Variants in TMIGD1 observed in about 807,000 individuals in gnomAD.
The protein encoded by TMIGD1 is transmembrane and immunoglobulin domain-containing protein 1.
A neutral mutation model predicts 27.5 loss-of-function variants in TMIGD1; 29 were observed. The observed-to-expected ratio is 1.05, with a 90% CI of 0.78 to 1.44. The LOEUF (loss-of-function observed/expected upper bound fraction) is 1.44. Ranked by LOEUF, TMIGD1 falls within the 40% of genes most tolerant of loss-of-function variation. The pLI is 0.00. For missense variants in TMIGD1, 334 were observed against 310.6 expected, an observed-to-expected ratio of 1.08 and a Z score of -0.57; for synonymous variants, 109 against 110.3, an observed-to-expected ratio of 0.99 and a Z score of 0.07.
chr17:30,324,861 A>T lies in TMIGD1; in HGVS notation c.595T>A (p.Ser199Thr), dbSNP rs765822528. Residue 199 changes from serine to threonine, a missense_variant, in exon 4 of 7, where the codon TCA becomes ACA. Transcript: ENST00000328886. ...DNGTYSCIAKSSLKTESLDFH... is the reference protein window; with the variant it reads ...DNGTYSCIAKTSLKTESLDFH... ...TCCAAGCTCTCCGTTTTCAGAGATG[A>T]CTTTGCAATACAACTGTAGGTTCCG... The T allele has an allele frequency of 1.2e-6, 2 of 1,614,050 alleles. No homozygotes were observed. Among genetic ancestry groups the T allele is most frequent in the African/African-American group, 2.7e-5 (2 of 74,944 alleles).
At chr17:30,327,137 GC>G (rs1909809385) in intron 3 of TMIGD1, among the ~76,000 whole-genome samples, 2 of 152,006 alleles carry the variant, frequency 1.3e-5, no homozygotes, top group Admixed American at 6.6e-5. Flanking sequence ...GTGGATTGAG[GC>G]TAGAAAACTG....
In TMIGD1 at chr17:30,319,261, A is replaced by AAATATATATATATATAT; in HGVS notation, c.641-349_641-348insATATATATATATATATT. Among the ~76,000 whole-genome samples, 7 of 69,042 alleles carry AAATATATATATATATAT rather than the reference A, an allele frequency of 1.0e-4. No homozygotes were observed. The South Asian group carries it at 1.3e-3, about 13-fold the overall frequency. The allele number at this position is 69,042 out of a possible 152,430, so 45.3% of individuals were successfully genotyped here. A position where few individuals can be genotyped will look rare whatever the true frequency, so the allele number is the denominator to read the frequency against. On this transcript the variant is annotated intron_variant, in intron 4 of 6. Coordinates refer to ENST00000328886, the MANE Select transcript of TMIGD1 (RefSeq NM_206832.3). ...TGTAAAAAAAAAAGAAAAAAAAAAA[A>AAATATATATATATATAT]ATATATATATATATATAGCTGGGCA...
intron 4 of TMIGD1, among the ~76,000 whole-genome samples, chr17:30,321,436 A>G (rs1909618232): frequency 6.6e-6 from 1 of 152,248 alleles, no homozygotes; most frequent in South Asian, 2.1e-4. Flanking sequence ...GTAACATTTT[A>G]GGCATTTAAA....
chr17:30,321,855 G>T (rs190863085), intron 4 of TMIGD1, among the ~76,000 whole-genome samples: 3 of 152,182 alleles, frequency 2.0e-5, no homozygotes, highest in Non-Finnish European at 4.4e-5. Context: ...TGGAGACAGG[G>T]TCTCACTCTG....
At chr17:30,322,807 C>A (rs1909662097) in intron 4 of TMIGD1, among the ~76,000 whole-genome samples, 1 of 152,188 alleles carries the variant, frequency 6.6e-6, no homozygotes, top group African/African-American at 2.4e-5. Context: ...GCTGACAGCT[C>A]TTATTCTATA....
At chr17:30,327,935 A>G (rs748168179) in intron 3 of TMIGD1, among the ~76,000 whole-genome samples, 26 of 152,094 alleles carry the variant, frequency 1.7e-4, no homozygotes, top group Non-Finnish European at 3.5e-4. Context: ...CCCTAAGCCT[A>G]TACAGTTCTA....
intron 1 of TMIGD1, 58 bp from the exon 2 acceptor site, chr17:30,332,216 C>G (rs145264048): frequency 3.0e-6 from 3 of 990,684 alleles, no homozygotes; most frequent in South Asian, 1.5e-5. Flanking sequence ...GTTCGTGAAC[C>G]TTCCTTCTGT....
intron 4 of TMIGD1, among the ~76,000 whole-genome samples, chr17:30,323,138 C>T (rs1909673141): frequency 6.6e-6 from 1 of 152,040 alleles, no homozygotes; most frequent in Non-Finnish European, 1.5e-5. Flanking sequence ...CTACTGCACT[C>T]CAGCCTGGGT....
chr17:30,333,636 C>T (rs1470873544), intron 1 of TMIGD1, among the ~76,000 whole-genome samples: 1 of 152,134 alleles, frequency 6.6e-6, no homozygotes, highest in African/African-American at 2.4e-5. Context: ...CAGGCTCACC[C>T]TTTCTGGCAG....
rs1909887618 is a variant in TMIGD1, at chr17:30,329,138, T to C, written c.361+113A>G. On this transcript the variant is annotated intron_variant, in intron 3 of 6. Coordinates refer to ENST00000328886, the MANE Select transcript of TMIGD1 (RefSeq NM_206832.3). ...GGGAAATAGGTACTCTCATACTTTG[T>C]GGTAGGAGCATAAATTGGGCAATTT... is the stretch of plus-strand genomic sequence containing the variant. The C allele has an allele frequency of 7.1e-6, 9 of 1,274,418 alleles. No individual in the cohort carries two copies. The South Asian group carries it at 1.2e-4, about 18-fold the overall frequency. 78.9% of individuals were successfully genotyped at this position (1,274,418 alleles called of 1,614,324 possible).
intron 1 of TMIGD1, among the ~76,000 whole-genome samples, chr17:30,333,391 A>G (rs1328603187): frequency 6.6e-6 from 1 of 152,080 alleles, no homozygotes; most frequent in Non-Finnish European, 1.5e-5. Context: ...CAGTGAGCCA[A>G]GATTATGCCA....
intron 5 of TMIGD1, 131 bp downstream of exon 5, chr17:30,318,679 G>A (rs1909501225): frequency 1.7e-6 from 1 of 596,132 alleles, no homozygotes; most frequent in African/African-American, 1.9e-5. Flanking sequence ...CTGTATTTTA[G>A]ATCTCATGGT....
At chr17:30,321,400 G>A (rs950816412) in intron 4 of TMIGD1, among the ~76,000 whole-genome samples, 3 of 152,158 alleles carry the variant, frequency 2.0e-5, no homozygotes, top group African/African-American at 4.8e-5. Context: ...ATCCAACGAC[G>A]GGAAGGAGCT....
intron 4 of TMIGD1, among the ~76,000 whole-genome samples, chr17:30,319,940 C>T (rs1909562430): frequency 6.6e-6 from 1 of 152,084 alleles, no homozygotes; most frequent in Non-Finnish European, 1.5e-5. Context: ...GAGAGAGAGC[C>T]TACTTCTAAC....
At position 30,316,698 on chromosome 17, in the gene TMIGD1, G is replaced by A; in HGVS notation, c.786-8C>T. On this transcript the variant is annotated splice_polypyrimidine_tract_variant and splice_region_variant and intron_variant, in intron 6 of 6. Coordinates refer to ENST00000328886, the MANE Select transcript of TMIGD1 (RefSeq NM_206832.3). Reference sequence around the variant, plus strand: ...GCATCTCAGCTTTCTCATCTGAAATGAATGAAGAAATTAATAATAATGATG... The same window carrying A: ...GCATCTCAGCTTTCTCATCTGAAATAAATGAAGAAATTAATAATAATGATG... 6.2e-7 allele frequency: 1 copy of A among 1,612,536 alleles called. No homozygotes were observed. Among genetic ancestry groups the A allele is most frequent in the Non-Finnish European group, 8.5e-7 (1 of 1,179,276 alleles).
intron 2 of TMIGD1, among the ~76,000 whole-genome samples, chr17:30,330,410 G>A (rs1909938962): frequency 6.6e-6 from 1 of 152,008 alleles, no homozygotes; most frequent in Admixed American, 6.6e-5. Context: ...GGAAAGCAAG[G>A]GAATGAAATG....
intron 4 of TMIGD1, among the ~76,000 whole-genome samples, chr17:30,322,922 G>T (rs1243234713): frequency 6.6e-6 from 1 of 152,204 alleles, no homozygotes; most frequent in East Asian, 1.9e-4. Context: ...TGTAACCCCA[G>T]CACTTTGGGA....
At chr17:30,319,259 A>ATAT (rs1389850047) in intron 4 of TMIGD1, among the ~76,000 whole-genome samples, 2 of 52,288 alleles carry the variant, frequency 3.8e-5, no homozygotes, top group African/African-American at 3.8e-4. Flanking sequence ...GAAAAAAAAA[A>ATAT]AAATATATAT....
intron 2 of TMIGD1, among the ~76,000 whole-genome samples, chr17:30,329,736 G>T (rs1909911821): frequency 6.6e-6 from 1 of 151,976 alleles, no homozygotes. Context: ...ATTAAAATGT[G>T]GTCATCAAAT....
Sources: allele counts gnomAD v4.1 joint callset (sites outside exome capture counted in the v4.1 genomes callset), GRCh38; gene constraint gnomAD v4.1.1; transcripts MANE v1.5; gene names NCBI Gene and HGNC (gene_info 2026-07-23, HGNC 2026-07-21).